Variants in OGFOD3 observed in about 807,000 individuals in gnomAD.
OGFOD3 encodes the protein 2-oxoglutarate and iron-dependent oxygenase domain-containing protein 3.
In OGFOD3, 35 loss-of-function variants were observed where a neutral mutation model predicts 39.8. The observed-to-expected ratio is 0.88, with a 90% CI of 0.67 to 1.17. The LOEUF is 1.17. Ranked by LOEUF, OGFOD3 falls within the 50% of genes most tolerant of loss-of-function variation. The probability of loss-of-function intolerance (pLI) is 0.00; values close to 1 mark genes in which losing one functional copy is unlikely to be tolerated. For synonymous variants in OGFOD3, 200 were observed against 192.0 expected (o/e 1.04, Z -0.34); for missense variants, 438 against 454.5 (o/e 0.96, Z 0.33).
rs1183045218 is a variant in OGFOD3 at position 82,406,651 on chromosome 17, C to T, written c.424-169G>A. Among the ~76,000 whole-genome samples, 1 of 152,160 alleles carries T rather than the reference C, an allele frequency of 6.6e-6. No homozygotes were observed. Among genetic ancestry groups the T allele is most frequent in the Non-Finnish European group, 1.5e-5 (1 of 68,032 alleles). The stretch of plus-strand genomic sequence containing the variant: ...AAAGGATCTTATTCTGTTGCCCAGG[C>T]TAGGGCGCAGTGGCACAATCTCAGC... On this transcript the variant is annotated intron_variant, in intron 4 of 8. Transcript: ENST00000313056. The surrounding 1 kb of genome is among the most constrained non-coding windows in gnomAD (Gnocchi z 5.2).
intron 3 of OGFOD3, among the ~76,000 whole-genome samples, chr17:82,410,528 G>T (rs2052925109): frequency 6.6e-6 from 1 of 152,144 alleles, no homozygotes; most frequent in Non-Finnish European, 1.5e-5. Flanking sequence ...CGGTCATTGA[G>T]CAGTGTCCCG....
intron 1 of OGFOD3, among the ~76,000 whole-genome samples, chr17:82,416,877 G>C (rs564903631): frequency 4.6e-4 from 70 of 152,044 alleles, no homozygotes; most frequent in Middle Eastern, 3.4e-3. Flanking sequence ...GTTTCACCAC[G>C]TTGGTCAGGC....
At chr17:82,409,978 T>C (rs181731688) in intron 3 of OGFOD3, among the ~76,000 whole-genome samples, 1 of 152,340 alleles carries the variant, frequency 6.6e-6, no homozygotes, top group Admixed American at 6.5e-5. Context: ...GAAAGCCACC[T>C]GGGCCAAGCT....
At chr17:82,416,509 C>G (rs1567876891) in intron 1 of OGFOD3, among the ~76,000 whole-genome samples, 2 of 152,218 alleles carry the variant, frequency 1.3e-5, no homozygotes, top group East Asian at 3.9e-4. Context: ...GCACTCCCTC[C>G]CCTCCTGTAA....
chr17:82,411,533 G>A lies in OGFOD3; in HGVS notation c.305-3C>T, dbSNP rs2052943094. 2.5e-6 allele frequency: 4 copies of A among 1,613,658 alleles called. No individual in the cohort carries two copies. Among genetic ancestry groups the A allele is most frequent in the Admixed American group, 1.7e-5 (1 of 60,002 alleles). ...GCCGCACTTTCGGGGAGTGCAGCCT[G>A]TGAAGGGACAGCCAGGGTGAGACGC... On this transcript the variant is annotated splice_polypyrimidine_tract_variant and splice_region_variant and intron_variant, in intron 2 of 8. Transcript: ENST00000313056.
intron 7 of OGFOD3, 117 bp downstream of exon 7, chr17:82,403,820 G>GTA: frequency 2.9e-6 from 4 of 1,400,090 alleles, no homozygotes; most frequent in Non-Finnish European, 3.9e-6. Flanking sequence ...CCCTGCCCAC[G>GTA]GGCACGCTCA....
intron 8 of OGFOD3, among the ~76,000 whole-genome samples, chr17:82,395,022 T>TTTTTTG (rs1022067612): frequency 6.6e-6 from 1 of 152,128 alleles, no homozygotes; most frequent in Non-Finnish European, 1.5e-5. Context: ...TGCTGGATTG[T>TTTTTTG]TTTTTGTTTT....
At chr17:82,418,376 C>A in intron 1 of OGFOD3, 36 bp downstream of exon 1, 2 of 1,432,092 alleles carry the variant, frequency 1.4e-6, no homozygotes, top group South Asian at 2.6e-5. Flanking sequence ...CCCTGTCCGC[C>A]GCCGCAGCGC....
In OGFOD3 at chr17:82,403,941, T is replaced by G; in HGVS notation, c.695A>C (p.Asp232Ala). 6.2e-7 allele frequency: 1 copy of G among 1,602,820 alleles called. No homozygotes were observed. Among genetic ancestry groups the G allele is most frequent in the Non-Finnish European group, 8.5e-7 (1 of 1,176,496 alleles). ...CCTGCCCACGGGCGCGCTCACCTTG[T>G]CCACGTGCGCATGCCAGTACTCGTC... is the stretch of plus-strand genomic sequence containing the variant. ...AHDEYWHAHV[D>A]KVTYGSFDYT... Residue 232 changes from aspartate to alanine, a missense_variant, in exon 7 of 9, where the codon GAC becomes GCC. Asp to Ala is a moderately radical substitution (Grantham distance 126). Transcript: ENST00000313056.
At chr17:82,398,344 G>T (rs1487825930) in intron 7 of OGFOD3, 25 bp from the exon 8 acceptor site, 77 of 1,613,504 alleles carry the variant, frequency 4.8e-5, no homozygotes, top group Non-Finnish European at 6.4e-5. Flanking sequence ...GGGAGGAGGG[G>T]GCAGAATGGG....
At chr17:82,398,151 C>T in intron 8 of OGFOD3, 45 bp downstream of exon 8, 1 of 1,612,010 alleles carries the variant, frequency 6.2e-7, no homozygotes, top group Non-Finnish European at 8.5e-7. Context: ...ACCGTGCTTG[C>T]CTGAGCCAGG....
chr17:82,412,460 C>T (rs542303453), intron 2 of OGFOD3, among the ~76,000 whole-genome samples: 6 of 129,410 alleles, frequency 4.6e-5, no homozygotes, highest in Admixed American at 2.3e-4. Context: ...GCATGGTTAT[C>T]GGGGCAGGGG....
rs1421879498 is a variant in OGFOD3, at chr17:82,405,357, T to C, written c.512A>G (p.Asn171Ser). The stretch of plus-strand genomic sequence containing the variant: ...CCGGAAGTCCTCCTCTGAGAAGATG[T>C]TCTGTATTTTATCCCCGAAGTATCT... The part of the protein sequence containing the change: ...LYRYFGDKIQ[N>S]IFSEEDFRLY... The change falls in exon 6 of 9, where the codon AAC becomes AGC. Residue 171 changes from asparagine (N) to serine (S), a missense_variant. Coordinates refer to ENST00000313056, the MANE Select transcript of OGFOD3 (RefSeq NM_024648.3). 6.2e-7 allele frequency: 1 copy of C among 1,614,020 alleles called. No individual in the cohort carries two copies. Among genetic ancestry groups the C allele is most frequent in the Non-Finnish European group, 8.5e-7 (1 of 1,179,870 alleles).
At chr17:82,399,866 T>TGTCATAAGCACACCC (rs1435643486) in intron 7 of OGFOD3, among the ~76,000 whole-genome samples, 2 of 152,128 alleles carry the variant, frequency 1.3e-5, no homozygotes, top group African/African-American at 4.8e-5. Flanking sequence ...CCAGCTCAGC[T>TGTCATAAGCACACCC]GTCATAAGCA....
Position 82,418,401 on chromosome 17 carries a change from C to G in OGFOD3, c.74+11G>C, listed in dbSNP as rs2053125525. ...CGCCGCAGCGCGCGCCCTTCCCCTC[C>G]TCACCGCTACCTGCTCCGGTTCCGG... is the stretch of plus-strand genomic sequence containing the variant. On this transcript the variant is annotated intron_variant, in intron 1 of 8. Coordinates refer to ENST00000313056, the MANE Select transcript of OGFOD3 (RefSeq NM_024648.3). 3 of 1,477,004 alleles carry G rather than the reference C, an allele frequency of 2.0e-6. No individual in the cohort carries two copies. Among genetic ancestry groups the G allele is most frequent in the Non-Finnish European group, 8.9e-7 (1 of 1,118,734 alleles). The allele number at this position is 1,477,004 out of a possible 1,614,324, so 91.5% of individuals were successfully genotyped here.
Position 82,415,528 on chromosome 17 carries a change from G to C in OGFOD3, c.174C>G (p.Leu58=), listed in dbSNP as rs1287177069. 2.5e-6 allele frequency: 4 copies of C among 1,613,602 alleles called. No individual in the cohort carries two copies. Among genetic ancestry groups the C allele is most frequent in the Non-Finnish European group, 3.4e-6 (4 of 1,179,942 alleles). ...GLGAGFVLTA[L]LLWSSLGADD... ...CGGCCCCCAAGCTGCTCCAGAGCAG[G>C]AGTGCGGTGAGCACAAAGCCAGCCC... Residue 58 remains leucine, a synonymous_variant, in exon 2 of 9, where the codon CTC becomes CTG. Coordinates refer to ENST00000313056, the MANE Select transcript of OGFOD3 (RefSeq NM_024648.3). The surrounding 1 kb of genome is among the most constrained non-coding windows in gnomAD (Gnocchi z 5.3).
intron 8 of OGFOD3, chr17:82,393,750 C>T (rs1467735643): frequency 6.6e-6 from 1 of 152,256 alleles, no homozygotes; most frequent in East Asian, 1.9e-4. Flanking sequence ...CTCGTCCACA[C>T]TCTCTGCTCT....
intron 4 of OGFOD3, among the ~76,000 whole-genome samples, chr17:82,408,661 A>G (rs540717998): frequency 2.0e-4 from 31 of 151,966 alleles, no homozygotes; most frequent in Non-Finnish European, 3.5e-4. Context: ...CACTGCTCCC[A>G]TCTCTGCCTC....
At position 82,404,430 on chromosome 17, in the gene OGFOD3, C is replaced by G. The variant is rs1331005130; in HGVS notation, c.546-340G>C. Among the ~76,000 whole-genome samples the G allele has an allele frequency of 6.6e-6, 1 of 152,200 alleles. No individual in the cohort carries two copies. The highest frequency in any genetic ancestry group is 2.4e-5 in the African/African-American group (1 of 41,448). On this transcript the variant is annotated intron_variant, in intron 6 of 8. Coordinates refer to ENST00000313056, the MANE Select transcript of OGFOD3 (RefSeq NM_024648.3). The surrounding 1 kb of genome is among the most constrained non-coding windows in gnomAD (Gnocchi z 4.5). ...CTTGCAGGGCCTGGAGCCCAGCCTC[C>G]TATTCAGCAACGAAGAGGCTGCTGT...
Sources: allele counts gnomAD v4.1 joint callset (sites outside exome capture counted in the v4.1 genomes callset), GRCh38; gene constraint gnomAD v4.1.1; non-coding constraint Gnocchi (gnomAD v3.1); transcripts MANE v1.5; gene names NCBI Gene and HGNC (gene_info 2026-07-23, HGNC 2026-07-21).